Variants in AANAT observed in about 807,000 individuals in gnomAD.
The protein encoded by AANAT is aralkylamine N-acetyltransferase, also known as serotonin N-acetyltransferase.
In AANAT, 11 loss-of-function variants were observed where a neutral mutation model predicts 15.6. The observed-to-expected ratio is 0.71, with a 90% confidence interval of 0.44 to 1.17. The LOEUF (loss-of-function observed/expected upper bound fraction) is 1.17, where lower values mean the gene tolerates loss of function less well. Among genes scored for constraint, AANAT ranks in the 50% most tolerant of loss-of-function variants. The pLI is 0.00. For synonymous variants in AANAT, 139 were observed against 131.5 expected, an observed-to-expected ratio of 1.06 and a Z score of -0.39; for missense variants, 286 against 296.3, an observed-to-expected ratio of 0.97 and a Z score of 0.26.
At chr17:76,462,068 A>G (rs953383562) in intron 2 of AANAT, among the ~76,000 whole-genome samples, 2 of 152,104 alleles carry the variant, frequency 1.3e-5, no homozygotes, top group Admixed American at 1.3e-4. Context: ...CCCAACCCTG[A>G]GTATATACTG....
Position 76,469,833 on chromosome 17 carries a change from G to A in AANAT, c.487G>A (p.Ala163Thr), listed in dbSNP as rs371445287. 1.7e-5 allele frequency: 28 copies of A among 1,605,052 alleles called. No individual in the cohort carries two copies. The highest frequency in any genetic ancestry group is 5.6e-5 in the South Asian group (5 of 89,568). ...CCGGGCCGCGCTCATGTGCGAGGAC[G>A]CGCTGGTACCCTTCTATGAGAGGTT... ...VRRAALMCED[A>T]LVPFYERFSF... The change falls in exon 4 of 4, where the codon GCG becomes ACG. Residue 163 changes from alanine (A) to threonine (T), a missense_variant. By Grantham distance (58) the Ala-to-Thr change is moderately conservative. Transcript: ENST00000392492. This position sits in a 1 kb window ranked among gnomAD's most constrained non-coding sequence, Gnocchi z 5.2.
chr17:76,457,792 C>A lies in AANAT; in HGVS notation c.-575-1455C>A, dbSNP rs528703923. On this transcript the variant is annotated intron_variant, in intron 1 of 6. Transcript: ENST00000250615. ...CAGTGGCTCACGCCTGTAATCCCAG[C>A]ATTTTGGGAGGCCAAGGTGGGTGGA... 9.8e-5 allele frequency among the ~76,000 whole-genome samples: 15 copies of A among 152,376 alleles called. No homozygotes were observed. The South Asian group carries it at 3.1e-3, about 32-fold the overall frequency.
At chr17:76,456,702 C>A in intron 1 of AANAT, among the ~76,000 whole-genome samples, 1 of 152,158 alleles carries the variant, frequency 6.6e-6, no homozygotes, top group South Asian at 2.1e-4. Context: ...CCTCCCATGA[C>A]CCTTTCAGCC....
At chr17:76,458,363 C>G (rs1179853655) in intron 1 of AANAT, among the ~76,000 whole-genome samples, 1 of 152,192 alleles carries the variant, frequency 6.6e-6, no homozygotes, top group East Asian at 1.9e-4. Flanking sequence ...TCCATACACT[C>G]AGGCTGGCTA....
At chr17:76,456,757 T>G (rs2073347032) in intron 1 of AANAT, among the ~76,000 whole-genome samples, 2 of 152,220 alleles carry the variant, frequency 1.3e-5, no homozygotes, top group Admixed American at 6.5e-5. Context: ...TAAGCACATA[T>G]TATTGACCAG....
At chr17:76,466,174 T>C, upstream of AANAT, 1 of 1,536,948 alleles carries the variant, frequency 6.5e-7, no homozygotes, top group Non-Finnish European at 8.7e-7. Flanking sequence ...GGGGGTGCCA[T>C]GGAGCCACAG....
chr17:76,467,096 C>T (rs888015069), upstream of AANAT, among the ~76,000 whole-genome samples: 2 of 152,082 alleles, frequency 1.3e-5, no homozygotes, highest in Admixed American at 1.3e-4. Flanking sequence ...ATGCCAGCAC[C>T]AAGTGCCAAG....
chr17:76,469,350 C>T lies in AANAT; in HGVS notation c.318+23C>T, dbSNP rs201338517. ...CAGGTGAGGACAGGGCTGCGACGCCCAGCTCCAGGGAGGCCTCTGAAGACA... is the reference window on the plus strand; with the variant it reads ...CAGGTGAGGACAGGGCTGCGACGCCTAGCTCCAGGGAGGCCTCTGAAGACA... On this transcript the variant is annotated intron_variant, in intron 3 of 3. Transcript: ENST00000392492. This position sits in a 1 kb window ranked among gnomAD's most constrained non-coding sequence, Gnocchi z 5.2. 1.9e-6 allele frequency: 3 copies of T among 1,612,830 alleles called. No individual in the cohort carries two copies. Among genetic ancestry groups the T allele is most frequent in the African/African-American group, 1.3e-5 (1 of 74,932 alleles).
chr17:76,458,250 C>T (rs963356618), intron 1 of AANAT, among the ~76,000 whole-genome samples: 8 of 152,122 alleles, frequency 5.3e-5, no homozygotes, highest in Admixed American at 3.3e-4. Context: ...TAAATTCCTA[C>T]CCATCCGATG....
Position 76,468,705 on chromosome 17 carries a change from C to T in AANAT, c.-42C>T, listed in dbSNP as rs374351425. On this transcript the variant is annotated 5_prime_UTR_variant, in exon 2 of 4. Transcript: ENST00000392492. Reference sequence around the variant, plus strand: ...AGGCCCTCCTTGGCTTAGGAGGACACTTCCAAAGCTGGGGCGCCCCAAGGA... The same window carrying T: ...AGGCCCTCCTTGGCTTAGGAGGACATTTCCAAAGCTGGGGCGCCCCAAGGA... The T allele has an allele frequency of 8.0e-5, 126 of 1,582,444 alleles. No homozygotes were observed. Among genetic ancestry groups the T allele is most frequent in the Non-Finnish European group, 1.5e-5 (18 of 1,166,962 alleles).
chr17:76,469,284 C>G lies in AANAT; in HGVS notation c.275C>G (p.Ala92Gly), dbSNP rs1285881737. The change falls in exon 3 of 4, where the codon GCC becomes GGC. Residue 92 changes from alanine to glycine, a missense_variant. Coordinates refer to ENST00000392492, the MANE Select transcript of AANAT (RefSeq NM_001088.3). This position sits in a 1 kb window ranked among gnomAD's most constrained non-coding sequence, Gnocchi z 5.2. Reference protein sequence around the residue: ...LGWFEEGCLVAFIIGSLWDKE... With the variant: ...LGWFEEGCLVGFIIGSLWDKE... ...TGGTTCGAGGAGGGCTGCCTTGTGG[C>G]CTTCATCATCGGCTCGCTCTGGGAC... 7 of 1,614,024 alleles carry G rather than the reference C, an allele frequency of 4.3e-6. No individual in the cohort carries two copies. Among genetic ancestry groups the G allele is most frequent in the Middle Eastern group, 3.3e-4 (2 of 6,084 alleles).
rs1169583519 is a variant in AANAT, at chr17:76,470,012, G to A, written c.*42G>A. 6.9e-7 allele frequency: 1 copy of A among 1,439,740 alleles called. No homozygotes were observed. The highest frequency in any genetic ancestry group is 9.2e-7 in the Non-Finnish European group (1 of 1,091,580). The allele number at this position is 1,439,740 out of a possible 1,614,324, so 89.2% of individuals were successfully genotyped here. ...GGCTGCCAACATGATCCCCGTCTCTGCCCTGGGCTCCTCTTAGCTCAGCTG... is the reference window on the plus strand; with the variant it reads ...GGCTGCCAACATGATCCCCGTCTCTACCCTGGGCTCCTCTTAGCTCAGCTG... On this transcript the variant is annotated 3_prime_UTR_variant, in exon 4 of 4. Coordinates refer to ENST00000392492, the MANE Select transcript of AANAT (RefSeq NM_001088.3).
At position 76,469,557 on chromosome 17, in the gene AANAT, C is replaced by T; in HGVS notation, c.319-108C>T. 7.5e-7 allele frequency: 1 copy of T among 1,331,234 alleles called. No homozygotes were observed. The highest frequency in any genetic ancestry group is 9.9e-7 in the Non-Finnish European group (1 of 1,006,334). The allele number at this position is 1,331,234 out of a possible 1,614,324, so 82.5% of individuals were successfully genotyped here. A position where few individuals can be genotyped will look rare whatever the true frequency, so the allele number is the denominator to read the frequency against. On this transcript the variant is annotated intron_variant, in intron 3 of 3. Coordinates refer to ENST00000392492, the MANE Select transcript of AANAT (RefSeq NM_001088.3). This position sits in a 1 kb window ranked among gnomAD's most constrained non-coding sequence, Gnocchi z 5.2. ...GCCCTCCTTTGCTGGGGTGGGTGCCCTGACCACAGGCACCCAGGGGACACC... is the reference window on the plus strand; with the variant it reads ...GCCCTCCTTTGCTGGGGTGGGTGCCTTGACCACAGGCACCCAGGGGACACC...
intron 1 of AANAT, among the ~76,000 whole-genome samples, chr17:76,457,311 G>A (rs2073351147): frequency 6.6e-6 from 1 of 152,152 alleles, no homozygotes; most frequent in Middle Eastern, 3.4e-3. Flanking sequence ...CAAAGTGTTG[G>A]GATTACAGGC....
At position 76,469,820 on chromosome 17, in the gene AANAT, C is replaced by T; in HGVS notation, c.474C>T (p.Leu158=). The change falls in exon 4 of 4, where the codon CTC becomes CTT. Residue 158 remains leucine, a synonymous_variant. Transcript: ENST00000392492. This position sits in a 1 kb window ranked among gnomAD's most constrained non-coding sequence, Gnocchi z 5.2. ...AGCCGGCCGTGCGCCGGGCCGCGCT[C>T]ATGTGCGAGGACGCGCTGGTACCCT... The part of the protein sequence containing the change: ...GSQPAVRRAA[L]MCEDALVPFY... 1.9e-6 allele frequency: 3 copies of T among 1,605,124 alleles called. No individual in the cohort carries two copies. The highest frequency in any genetic ancestry group is 1.8e-4 in the Middle Eastern group (1 of 5,556).
chr17:76,460,185 G>A (rs890980935), intron 2 of AANAT, among the ~76,000 whole-genome samples: 3 of 119,394 alleles, frequency 2.5e-5, no homozygotes, highest in African/African-American at 1.1e-4. Flanking sequence ...GTCTCTCTCT[G>A]TTGCTCAGGC....
chr17:76,460,000 C>T (rs2073371705), intron 2 of AANAT, among the ~76,000 whole-genome samples: 1 of 152,192 alleles, frequency 6.6e-6, no homozygotes, highest in African/African-American at 2.4e-5. Context: ...CTTTCTGTGG[C>T]TCCCCAGGGT....
intron 1 of AANAT, among the ~76,000 whole-genome samples, chr17:76,456,166 T>C (rs905384013): frequency 5.3e-5 from 8 of 151,726 alleles, no homozygotes; most frequent in Middle Eastern, 3.2e-3. Flanking sequence ...ACCCCATCTC[T>C]ACTAAAAATA....
chr17:76,469,579 C>A lies in AANAT; in HGVS notation c.319-86C>A. 1 of 1,392,172 alleles carries A rather than the reference C, an allele frequency of 7.2e-7. No homozygotes were observed. Among genetic ancestry groups the A allele is most frequent in the Non-Finnish European group, 9.4e-7 (1 of 1,061,294 alleles). 86.2% of individuals were successfully genotyped at this position (1,392,172 alleles called of 1,614,324 possible). A position where few individuals can be genotyped will look rare whatever the true frequency, so the allele number is the denominator to read the frequency against. The stretch of plus-strand genomic sequence containing the variant: ...GCCCTGACCACAGGCACCCAGGGGA[C>A]ACCTGCTCCCTGCCTGGGTTGGTGG... On this transcript the variant is annotated intron_variant, in intron 3 of 3. Coordinates refer to ENST00000392492, the MANE Select transcript of AANAT (RefSeq NM_001088.3). The surrounding 1 kb of genome is among the most constrained non-coding windows in gnomAD (Gnocchi z 5.2).
Sources: gnomAD v4.1 joint callset for allele counts (sites outside exome capture counted in the v4.1 genomes callset) on GRCh38, gnomAD v4.1.1 for gene constraint, Gnocchi (gnomAD v3.1) non-coding constraint, MANE v1.5 for transcripts, NCBI Gene and HGNC (gene_info 2026-07-23, HGNC 2026-07-21) for gene names.